The following IPO5 variants were observed in gnomAD, a reference collection of about 807,000 sequenced individuals.
The protein encoded by IPO5 is importin-5.
IPO5 carries 18 observed loss-of-function variants against 143.3 expected under a neutral mutation model. The ratio of observed to expected loss-of-function variants is 0.13; its 90% CI spans 0.09 to 0.19. The LOEUF (loss-of-function observed/expected upper bound fraction) is 0.19, where lower values mean the gene tolerates loss of function less well. IPO5 is among the 10% of genes least tolerant of loss of function. IPO5 has a pLI of 1.00. For missense variants in IPO5, 1,013 were observed against 1,336.9 expected (o/e 0.76, Z 3.78); for synonymous variants, 477 against 465.7 (o/e 1.02, Z -0.31).
chr13:97,995,989 T>G (rs1314437965), intron 11 of IPO5, among the ~76,000 whole-genome samples: 2 of 152,120 alleles, frequency 1.3e-5, no homozygotes, highest in East Asian at 1.9e-4. Flanking sequence ...ATAAATGAAC[T>G]GAAAAAATAA....
At chr13:97,999,587 T>A (rs1316226650) in intron 12 of IPO5, among the ~76,000 whole-genome samples, 1 of 152,172 alleles carries the variant, frequency 6.6e-6, no homozygotes, top group Non-Finnish European at 1.5e-5. Flanking sequence ...TAATTTATAG[T>A]TTCATTTTTA....
In IPO5 at chr13:97,985,512, C is replaced by A. The variant is rs1306452336; in HGVS notation, c.263C>A (p.Ala88Asp). 6.2e-7 allele frequency: 1 copy of A among 1,613,092 alleles called. No homozygotes were observed. Among genetic ancestry groups the A allele is most frequent in the Non-Finnish European group, 8.5e-7 (1 of 1,179,254 alleles). ...GCACTTCCCTCTGATGTTCAGACTGCCATCAAGAGTGAGCTACTCATGATT... is the reference window on the plus strand; with the variant it reads ...GCACTTCCCTCTGATGTTCAGACTGACATCAAGAGTGAGCTACTCATGATT... The part of the protein sequence containing the change: ...YPALPSDVQT[A>D]IKSELLMIIQ... Residue 88 changes from alanine (A) to aspartate (D), a missense_variant, in exon 6 of 29, where the codon GCC (alanine) becomes GAC (aspartate). Transcript: ENST00000651721.
chr13:97,966,107 C>G (rs1203344709), intron 2 of IPO5, among the ~76,000 whole-genome samples: 2 of 144,340 alleles, frequency 1.4e-5, no homozygotes, highest in Non-Finnish European at 3.0e-5. Flanking sequence ...GCACTCCAGC[C>G]TGGGTGACAG....
intron 3 of IPO5, among the ~76,000 whole-genome samples, chr13:97,970,599 C>T (rs1382584163): frequency 1.3e-5 from 2 of 151,898 alleles, no homozygotes; most frequent in Non-Finnish European, 2.9e-5. Context: ...CCAGCCTGGG[C>T]GACAGAGTGG....
Position 97,985,476 on chromosome 13 carries a change from A to C in IPO5, c.227A>C (p.Glu76Ala). The C allele has an allele frequency of 6.2e-7, 1 of 1,614,120 alleles. No individual in the cohort carries two copies. Residue 76 changes from glutamate (E) to alanine (A), a missense_variant, in exon 6 of 29, where the codon GAA (glutamate) becomes GCA (alanine). Glu to Ala is a moderately radical substitution (Grantham distance 107). Coordinates refer to ENST00000651721, the MANE Select transcript of IPO5 (RefSeq NM_002271.6). ...CGTCTCTTGTCCTCTGCATTTGATGAAGTCTATCCAGCACTTCCCTCTGAT... is the reference window on the plus strand; with the variant it reads ...CGTCTCTTGTCCTCTGCATTTGATGCAGTCTATCCAGCACTTCCCTCTGAT... ...LRRLLSSAFD[E>A]VYPALPSDVQ...
intron 16 of IPO5, among the ~76,000 whole-genome samples, chr13:98,005,484 T>A (rs1029573069): frequency 2.0e-5 from 3 of 151,978 alleles, no homozygotes; most frequent in Non-Finnish European, 4.4e-5. Flanking sequence ...TGCCTCAGCC[T>A]CCCAGAGTCC....
intron 2 of IPO5, among the ~76,000 whole-genome samples, chr13:97,967,140 T>C (rs1375404515): frequency 1.3e-5 from 2 of 152,272 alleles, no homozygotes; most frequent in Non-Finnish European, 2.9e-5. Context: ...TTTGCGTTTT[T>C]CTAGAAATGT....
chr13:98,006,658 G>C (rs1222329388), intron 17 of IPO5, among the ~76,000 whole-genome samples: 1 of 151,954 alleles, frequency 6.6e-6, no homozygotes, highest in Non-Finnish European at 1.5e-5. Context: ...ACAGGCGTGA[G>C]CCACTGTGCC....
intron 16 of IPO5, among the ~76,000 whole-genome samples, chr13:98,004,820 G>A (rs1025528285): frequency 3.9e-5 from 6 of 152,150 alleles, no homozygotes; most frequent in Admixed American, 2.0e-4. Context: ...TGTAATTGAC[G>A]TGGGGAATTA....
In IPO5 at chr13:98,019,762, A is replaced by G; in HGVS notation, c.3018A>G (p.Lys1006=). ...CTTGGCTTCCACTACATGAAGATAA[A>G]GAAGAAGCTGTTCAGACTTTCAATT... ...WLSWLPLHED[K]EEAVQTFNYL... Residue 1006 remains lysine, a synonymous_variant, in exon 27 of 29, where the codon AAA becomes AAG. Coordinates refer to ENST00000651721, the MANE Select transcript of IPO5 (RefSeq NM_002271.6). 1 of 1,614,084 alleles carries G rather than the reference A, an allele frequency of 6.2e-7. No individual in the cohort carries two copies. Among genetic ancestry groups the G allele is most frequent in the African/African-American group, 1.3e-5 (1 of 75,058 alleles).
intron 24 of IPO5, 123 bp downstream of exon 24, chr13:98,015,904 G>A (rs1159962333): frequency 4.8e-6 from 3 of 630,818 alleles, no homozygotes; most frequent in African/African-American, 3.7e-5. Context: ...TAGCAGAGGA[G>A]TCAGATATAT....
At chr13:97,962,984 G>C (rs1054820788) in intron 2 of IPO5, among the ~76,000 whole-genome samples, 3 of 152,110 alleles carry the variant, frequency 2.0e-5, no homozygotes, top group Non-Finnish European at 4.4e-5. Flanking sequence ...CCAGCAGGTG[G>C]AGATTCGGGC....
At chr13:98,016,049 A>G (rs1027511223) in intron 24 of IPO5, among the ~76,000 whole-genome samples, 1 of 152,250 alleles carries the variant, frequency 6.6e-6, no homozygotes, top group Non-Finnish European at 1.5e-5. Context: ...ACTGCTCACA[A>G]CAACCATTTG....
chr13:97,957,080 T>A lies in IPO5; in HGVS notation c.-113+2882T>A, dbSNP rs1884514107. ...TTCTTTAAAAGGGTAGGGTTTATTATCTCTCTGAATACTCAAATGAAAACT... is the reference window on the plus strand; with the variant it reads ...TTCTTTAAAAGGGTAGGGTTTATTAACTCTCTGAATACTCAAATGAAAACT... On this transcript the variant is annotated intron_variant, in intron 2 of 28. Transcript: ENST00000651721. Among the ~76,000 whole-genome samples the A allele has an allele frequency of 2.0e-5, 3 of 152,276 alleles. No individual in the cohort carries two copies. The South Asian group carries it at 6.2e-4, about 32-fold the overall frequency.
At position 98,021,821 on chromosome 13, in the gene IPO5, G is replaced by A. The variant is rs1464465433; in HGVS notation, c.3293G>A (p.Ter1098=). ...ATTCAGGAGCTCCTGAACTCTGCGT[G>A]AAGGGCCTTAATGTCACCCACCAGA... ...AAIQELLNSA[*] is the part of the protein sequence containing the mutation. Residue 1098 remains the stop codon, a stop_retained_variant, in exon 29 of 29, where the codon TGA becomes TAA. Transcript: ENST00000651721. 1.9e-6 allele frequency: 3 copies of A among 1,598,414 alleles called. No homozygotes were observed. The Admixed American group carries it at 5.0e-5, about 27-fold the overall frequency.
Position 98,014,600 on chromosome 13 carries a change from A to T in IPO5, c.2325+386A>T, listed in dbSNP as rs576623644. On this transcript the variant is annotated intron_variant, in intron 22 of 28. Coordinates refer to ENST00000651721, the MANE Select transcript of IPO5 (RefSeq NM_002271.6). ...ATTTGTTAAAAAATAAAAATGTTAA[A>T]TTTTTTGTTTTAATATTTTGGTATT... Among the ~76,000 whole-genome samples the T allele has an allele frequency of 1.3e-3, 197 of 152,264 alleles. 2 individuals carry two copies. Among genetic ancestry groups the T allele is most frequent in the African/African-American group, 4.6e-3 (192 of 41,560 alleles).
intron 2 of IPO5, among the ~76,000 whole-genome samples, chr13:97,969,294 G>A (rs1008050313): frequency 6.9e-5 from 10 of 145,818 alleles, no homozygotes; most frequent in Non-Finnish European, 1.3e-4. Context: ...CCATTCTCCT[G>A]CTTCAGCCTC....
intron 4 of IPO5, among the ~76,000 whole-genome samples, chr13:97,980,792 G>A (rs1480890498): frequency 2.7e-5 from 4 of 146,924 alleles, no homozygotes; most frequent in East Asian, 2.0e-4. Context: ...GCACCACTGC[G>A]CTCTAGCCTG....
Position 98,015,774 on chromosome 13 carries a change from A to G in IPO5, c.2486A>G (p.Gln829Arg), listed in dbSNP as rs1890083706. 6.2e-7 allele frequency: 1 copy of G among 1,603,852 alleles called. No individual in the cohort carries two copies. Among genetic ancestry groups the G allele is most frequent in the Non-Finnish European group, 8.5e-7 (1 of 1,174,446 alleles). ...DYDEQVEESLQDEDDNDVYIL... is the reference protein window; with the variant it reads ...DYDEQVEESLRDEDDNDVYIL... The stretch of plus-strand genomic sequence containing the variant: ...GATGAACAGGTCGAAGAGTCACTAC[A>G]AGATGAGGTAAGTTATTCCCTTTGG... Residue 829 changes from glutamine (Q) to arginine (R), a missense_variant, in exon 24 of 29, where the codon CAA becomes CGA. This residue lies in a region of IPO5 where 685 missense variants were observed against 994.9 expected (regional missense o/e 0.69). Transcript: ENST00000651721.
Sources: gnomAD v4.1 joint callset for allele counts (sites outside exome capture counted in the v4.1 genomes callset) on GRCh38, gnomAD v4.1.1 for gene constraint, gnomAD v4.1.1 regional missense constraint, MANE v1.5 for transcripts, NCBI Gene and HGNC (gene_info 2026-07-23, HGNC 2026-07-21) for gene names.